GLRA2: variants seen among roughly 807,000 people sequenced by gnomAD.
The protein encoded by GLRA2 is glycine receptor alpha 2.
A neutral mutation model predicts 31.6 loss-of-function variants in GLRA2; 11 were observed. The ratio of observed to expected loss-of-function variants is 0.35; its 90% CI spans 0.22 to 0.58. GLRA2 has a LOEUF of 0.58. Ranked by LOEUF, GLRA2 falls within the 20% of genes least tolerant of loss-of-function variation. The probability of loss-of-function intolerance (pLI) is 0.84; values close to 1 mark genes in which losing one functional copy is unlikely to be tolerated. For missense variants in GLRA2, 212 were observed against 351.8 expected, an observed-to-expected ratio of 0.60 and a Z score of 3.18; for synonymous variants, 132 against 134.0, an observed-to-expected ratio of 0.99 and a Z score of 0.10.
chrX:14,659,328 A>T (rs774801873), intron 7 of GLRA2, among the ~76,000 whole-genome samples: 3 of 111,758 alleles, frequency 2.7e-5, no homozygotes, highest in Non-Finnish European at 5.6e-5. Context: ...CTTACAGTTA[A>T]CCAGAAACAG....
At chrX:14,639,018 G>A (rs1432692098) in intron 7 of GLRA2, among the ~76,000 whole-genome samples, 1 of 110,641 alleles carries the variant, frequency 9.0e-6, no homozygotes, top group Non-Finnish European at 1.9e-5. Flanking sequence ...AAACATCCAG[G>A]GTTCATACTT....
the GLRA2 span, among the ~76,000 whole-genome samples, chrX:14,493,719 ATATACGTG>A: frequency 1.0e-5 from 1 of 96,151 alleles, no homozygotes; most frequent in African/African-American, 4.4e-5. Context: ...ATGTATACAT[ATATACGTG>A]TATATGTATA....
At chrX:14,475,573 C>T in the GLRA2 span, among the ~76,000 whole-genome samples, 1 of 111,279 alleles carries the variant, frequency 9.0e-6, no homozygotes, top group Non-Finnish European at 1.9e-5. Flanking sequence ...TTATCTTTCA[C>T]ATACCCATGT....
intron 8 of GLRA2, among the ~76,000 whole-genome samples, chrX:14,702,500 A>G (rs182537250): frequency 8.9e-6 from 1 of 112,385 alleles, no homozygotes; most frequent in Non-Finnish European, 1.9e-5. Context: ...TCTGGGATGT[A>G]TATTATAAAC....
At chrX:14,640,261 T>G (rs769503805) in intron 7 of GLRA2, among the ~76,000 whole-genome samples, 1 of 111,431 alleles carries the variant, frequency 9.0e-6, no homozygotes, top group Non-Finnish European at 1.9e-5. Flanking sequence ...CATGTTTGCT[T>G]GGAAGATCCC....
At chrX:14,499,750 A>G in the GLRA2 span, among the ~76,000 whole-genome samples, 2 of 111,250 alleles carry the variant, frequency 1.8e-5, no homozygotes, top group South Asian at 7.6e-4. Flanking sequence ...TTTGGGTACT[A>G]TGTTCATTAT....
intron 8 of GLRA2, among the ~76,000 whole-genome samples, chrX:14,707,757 G>GGTGT (rs374444365): frequency 0.013 from 1,392 of 106,171 alleles, 35 homozygotes; most frequent in African/African-American, 0.045. Context: ...CAGCAAAAAA[G>GGTGT]GTGTGTGTGT....
In GLRA2 at chrX:14,574,575, C is replaced by T. The variant is rs745817159; in HGVS notation, c.270+175C>T. ...AACTACAATGGTGAGTGGGACTGAG[C>T]ATTGAAGCCATCGTGTGAAGGAATG... On this transcript the variant is annotated intron_variant, in intron 3 of 8. Coordinates refer to ENST00000218075, the MANE Select transcript of GLRA2 (RefSeq NM_002063.4). 13 of 1,107,181 alleles carry T rather than the reference C, an allele frequency of 1.2e-5. No homozygotes were observed. The South Asian group carries it at 1.7e-4, about 14-fold the overall frequency. 91.2% of individuals were successfully genotyped at this position (1,107,181 alleles called of 1,213,427 possible).
chrX:14,676,009 A>C (rs1433494489), intron 7 of GLRA2, among the ~76,000 whole-genome samples: 1 of 112,387 alleles, frequency 8.9e-6, no homozygotes, highest in Non-Finnish European at 1.9e-5. Context: ...ATAAAAGATA[A>C]GTTGATTGGA....
At chrX:14,717,540 C>T (rs920233276) in intron 8 of GLRA2, among the ~76,000 whole-genome samples, 3 of 96,847 alleles carry the variant, frequency 3.1e-5, no homozygotes, top group African/African-American at 4.7e-5. Context: ...GTGCATAAGC[C>T]TGCTCTAATA....
intron 7 of GLRA2, among the ~76,000 whole-genome samples, chrX:14,623,519 G>C (rs909347999): frequency 9.0e-6 from 1 of 111,150 alleles, no homozygotes; most frequent in African/African-American, 3.3e-5. Context: ...TTTGAAATAC[G>C]TCCCATCAAT....
intron 7 of GLRA2, among the ~76,000 whole-genome samples, chrX:14,625,486 T>C (rs1048986181): frequency 2.7e-5 from 3 of 111,699 alleles, no homozygotes; most frequent in African/African-American, 6.5e-5. Context: ...TGGCTGGTAC[T>C]GGTTGTTCCT....
intron 2 of GLRA2, among the ~76,000 whole-genome samples, chrX:14,545,298 G>A (rs910376442): frequency 7.2e-5 from 8 of 111,319 alleles, no homozygotes; most frequent in Admixed American, 2.9e-4. Context: ...ATCATCCCAC[G>A]GTAGAAAGCA....
intron 3 of GLRA2, 88 bp downstream of exon 3, chrX:14,574,488 G>T (rs774889094): frequency 1.7e-6 from 2 of 1,197,258 alleles, no homozygotes; most frequent in Non-Finnish European, 2.3e-6. Flanking sequence ...TGTTCAACTT[G>T]CAGGGCCTCC....
intron 7 of GLRA2, among the ~76,000 whole-genome samples, chrX:14,677,599 T>C (rs917602664): frequency 1.0e-3 from 117 of 112,365 alleles, no homozygotes; most frequent in African/African-American, 3.6e-3. Flanking sequence ...GGGAAATGTT[T>C]CTATGCTGGG....
chrX:14,466,402 C>T, the GLRA2 span, among the ~76,000 whole-genome samples: 1 of 111,434 alleles, frequency 9.0e-6, no homozygotes, highest in African/African-American at 3.3e-5. Flanking sequence ...TAACAGTAAA[C>T]CTAATAAAAC....
At chrX:14,464,882 T>A in the GLRA2 span, among the ~76,000 whole-genome samples, 1 of 112,061 alleles carries the variant, frequency 8.9e-6, no homozygotes, top group Non-Finnish European at 1.9e-5. Context: ...GACAGCACCA[T>A]GTTGTTTTTG....
rs777347409 is a variant in GLRA2 at position 14,653,782 on chromosome X, G to A, written c.931-36928G>A. ...ATCACATGATACAGAGAAATCTTTCGTAAAAGGAAGAGTGAATCAACACAG... is the reference window on the plus strand; with the variant it reads ...ATCACATGATACAGAGAAATCTTTCATAAAAGGAAGAGTGAATCAACACAG... On this transcript the variant is annotated intron_variant, in intron 7 of 8. Coordinates refer to ENST00000218075, the MANE Select transcript of GLRA2 (RefSeq NM_002063.4). 2.8e-4 allele frequency among the ~76,000 whole-genome samples: 32 copies of A among 112,336 alleles called. 1 individual carries two copies. The South Asian group carries it at 5.1e-3, about 18-fold the overall frequency.
chrX:14,554,886 C>T (rs1038812021), intron 2 of GLRA2, among the ~76,000 whole-genome samples: 1 of 111,961 alleles, frequency 8.9e-6, no homozygotes, highest in African/African-American at 3.2e-5. Flanking sequence ...TTTTGTATTA[C>T]TATTAGTTAT....
Sources: gnomAD v4.1 joint callset for allele counts (sites outside exome capture counted in the v4.1 genomes callset) on GRCh38, gnomAD v4.1.1 for gene constraint, MANE v1.5 for transcripts, NCBI Gene and HGNC (gene_info 2026-07-23, HGNC 2026-07-21) for gene names.